Variants in EDA observed in about 807,000 individuals in gnomAD.
The protein encoded by EDA is ectodysplasin-A.
Under a neutral mutation model 23.6 loss-of-function variants are expected in EDA, and 2 were observed. The ratio of observed to expected loss-of-function variants is 0.08; its 90% CI spans 0.03 to 0.27. The LOEUF (loss-of-function observed/expected upper bound fraction) is 0.27. Ranked by LOEUF, EDA falls within the 10% of genes least tolerant of loss-of-function variation. The probability of loss-of-function intolerance (pLI) is 1.00; values close to 1 mark genes in which losing one functional copy is unlikely to be tolerated. For synonymous variants in EDA, 131 were observed against 132.0 expected (o/e 0.99, Z 0.05); for missense variants, 229 against 324.2 (o/e 0.71, Z 2.26).
intron 1 of EDA, among the ~76,000 whole-genome samples, chrX:69,728,428 A>G (rs116000060): frequency 2.4e-3 from 269 of 111,760 alleles, no homozygotes; most frequent in African/African-American, 7.9e-3. Flanking sequence ...TCCTGTGGAG[A>G]AAGAGTAGGT....
At chrX:69,961,867 A>C (rs1284130180) in intron 2 of EDA, among the ~76,000 whole-genome samples, 1 of 112,015 alleles carries the variant, frequency 8.9e-6, no homozygotes, top group African/African-American at 3.2e-5. Context: ...AGTTCTAGAA[A>C]TCTGTGCCAG....
intron 1 of EDA, among the ~76,000 whole-genome samples, chrX:69,788,608 G>T (rs1352357846): frequency 8.9e-6 from 1 of 112,117 alleles, no homozygotes; most frequent in East Asian, 2.8e-4. Context: ...CTGCTCAGGG[G>T]TCAGGGGTCA....
intron 1 of EDA, among the ~76,000 whole-genome samples, chrX:69,862,647 A>G (rs990920916): frequency 9.0e-6 from 1 of 110,803 alleles, no homozygotes; most frequent in Non-Finnish European, 1.9e-5. Context: ...GGATCTCTCT[A>G]TGTTGCCCAG....
intron 1 of EDA, among the ~76,000 whole-genome samples, chrX:69,894,471 C>A (rs2017978793): frequency 8.9e-6 from 1 of 111,801 alleles, no homozygotes; most frequent in African/African-American, 3.3e-5. Flanking sequence ...ATAGGAATAG[C>A]ATCAAATCTG....
intron 2 of EDA, among the ~76,000 whole-genome samples, chrX:69,997,796 G>C (rs1423708335): frequency 8.9e-6 from 1 of 112,527 alleles, no homozygotes; most frequent in African/African-American, 3.2e-5. Flanking sequence ...AGCCAACATA[G>C]AGCTTAGGCC....
intron 1 of EDA, among the ~76,000 whole-genome samples, chrX:69,677,153 T>A (rs1460051157): frequency 1.9e-5 from 2 of 103,830 alleles, no homozygotes; most frequent in Non-Finnish European, 3.9e-5. Flanking sequence ...ACAAAGGACA[T>A]GAACTCATCC....
At chrX:69,690,273 C>T (rs1934674679) in intron 1 of EDA, among the ~76,000 whole-genome samples, 1 of 111,571 alleles carries the variant, frequency 9.0e-6, no homozygotes, top group Non-Finnish European at 1.9e-5. Flanking sequence ...AATGTTAGCT[C>T]TGGGTCTTTC....
intron 1 of EDA, among the ~76,000 whole-genome samples, chrX:69,709,294 A>G (rs1008526991): frequency 8.9e-6 from 1 of 112,175 alleles, no homozygotes; most frequent in Non-Finnish European, 1.9e-5. Flanking sequence ...TCAGTCAACT[A>G]TATGCTTTCT....
intron 1 of EDA, among the ~76,000 whole-genome samples, chrX:69,791,436 A>G (rs956901354): frequency 3.6e-5 from 4 of 111,218 alleles, no homozygotes; most frequent in Admixed American, 9.6e-5. Context: ...GTACCCAACT[A>G]TAAGTGACAG....
chrX:69,686,829 A>G (rs1364505411), intron 1 of EDA, among the ~76,000 whole-genome samples: 1 of 111,871 alleles, frequency 8.9e-6, no homozygotes, highest in Non-Finnish European at 1.9e-5. Context: ...TCATCAATGG[A>G]TGGACATTAG....
chrX:69,757,306 TA>T (rs930416005), intron 1 of EDA, among the ~76,000 whole-genome samples: 7 of 109,728 alleles, frequency 6.4e-5, no homozygotes, highest in African/African-American at 1.3e-4. Context: ...AATAATTTAG[TA>T]AAAAAAAAGA....
chrX:69,957,982 T>C (rs2019040344), intron 2 of EDA, among the ~76,000 whole-genome samples: 1 of 111,919 alleles, frequency 8.9e-6, no homozygotes, highest in South Asian at 3.8e-4. Context: ...ATCTGGAACA[T>C]TGTTGGTGAT....
chrX:69,816,244 A>G lies in EDA; in HGVS notation c.397-140783A>G, dbSNP rs2016079277. On this transcript the variant is annotated intron_variant, in intron 1 of 7. Coordinates refer to ENST00000374552, the MANE Select transcript of EDA (RefSeq NM_001399.5). ...GATAAGCCCACAAAGACAAGAAAGAATCACCAAAAAATTGCTGAGAACTCA... is the reference window on the plus strand; with the variant it reads ...GATAAGCCCACAAAGACAAGAAAGAGTCACCAAAAAATTGCTGAGAACTCA... 2.7e-5 allele frequency among the ~76,000 whole-genome samples: 3 copies of G among 112,159 alleles called. No homozygotes were observed. The Admixed American group carries it at 2.8e-4, about 11-fold the overall frequency.
chrX:69,872,999 CA>C (rs908555204), intron 1 of EDA, among the ~76,000 whole-genome samples: 6 of 109,768 alleles, frequency 5.5e-5, no homozygotes, highest in Non-Finnish European at 5.7e-5. Context: ...TATGATAGGC[CA>C]AAAAAAACTC....
At chrX:69,728,243 C>CAAAAA (rs71895672) in intron 1 of EDA, among the ~76,000 whole-genome samples, 59 of 92,070 alleles carry the variant, frequency 6.4e-4, no homozygotes, top group African/African-American at 2.2e-3. Context: ...GACTCCATCT[C>CAAAAA]AAAAAAAAAA....
At chrX:69,902,802 T>A (rs770256318) in intron 1 of EDA, among the ~76,000 whole-genome samples, 4 of 111,715 alleles carry the variant, frequency 3.6e-5, no homozygotes, top group Non-Finnish European at 7.5e-5. Flanking sequence ...TTACTGGAGC[T>A]GGTAACTTAA....
intron 1 of EDA, among the ~76,000 whole-genome samples, chrX:69,929,658 G>A (rs1045429158): frequency 2.8e-5 from 3 of 108,609 alleles, no homozygotes; most frequent in Admixed American, 1.0e-4. Flanking sequence ...TTCCTGGAGT[G>A]TAGATTCTGC....
chrX:69,950,398 C>G (rs138718379), intron 1 of EDA, among the ~76,000 whole-genome samples: 40,877 of 88,946 alleles, frequency 0.46, 7,889 homozygotes, highest in African/African-American at 0.49. Flanking sequence ...GACATACCAT[C>G]TCACACCAGT....
intron 1 of EDA, among the ~76,000 whole-genome samples, chrX:69,862,950 A>G (rs908857106): frequency 9.1e-6 from 1 of 110,025 alleles, no homozygotes; most frequent in Non-Finnish European, 1.9e-5. Context: ...CTAAAAATCC[A>G]TGTAGGAAAT....
Sources: gnomAD v4.1 joint callset for allele counts (sites outside exome capture counted in the v4.1 genomes callset) on GRCh38, gnomAD v4.1.1 for gene constraint, MANE v1.5 for transcripts, NCBI Gene and HGNC (gene_info 2026-07-23, HGNC 2026-07-21) for gene names.